The following SLC4A4 variants were observed in gnomAD, a reference collection of about 807,000 sequenced individuals.
The protein encoded by SLC4A4 is solute carrier family 4 member 4.
A neutral mutation model predicts 111.5 loss-of-function variants in SLC4A4; 27 were observed. That is an observed-to-expected ratio of 0.24 (90% confidence interval 0.18 to 0.33). The LOEUF (loss-of-function observed/expected upper bound fraction) is 0.33. SLC4A4 is among the 10% of genes least tolerant of loss of function. The pLI, the probability that SLC4A4 is intolerant of heterozygous loss-of-function variation, is 1.00. For missense variants in SLC4A4, 909 were observed against 1,315.5 expected (o/e 0.69, Z 4.78); for synonymous variants, 443 against 463.4 (o/e 0.96, Z 0.57).
intron 17 of SLC4A4, among the ~76,000 whole-genome samples, chr4:71,532,510 A>AT (rs1489228026): frequency 6.6e-6 from 1 of 151,816 alleles, no homozygotes; most frequent in Non-Finnish European, 1.5e-5. Flanking sequence ...CATCCTCCTG[A>AT]TTTTTTCTTT....
chr4:71,260,820 G>A (rs781107695), intron 3 of SLC4A4, among the ~76,000 whole-genome samples: 17 of 152,144 alleles, frequency 1.1e-4, no homozygotes, highest in Non-Finnish European at 1.3e-4. Flanking sequence ...GTAAAAAGGG[G>A]ATGATCGATT....
intron 20 of SLC4A4, among the ~76,000 whole-genome samples, chr4:71,552,159 C>T (rs1488007863): frequency 6.6e-6 from 1 of 151,810 alleles, no homozygotes; most frequent in South Asian, 2.1e-4. Context: ...CAGAATGAGG[C>T]CCTGGACTAG....
At chr4:71,074,225 C>T (rs1741749079) in intron 1 of SLC4A4, among the ~76,000 whole-genome samples, 1 of 152,036 alleles carries the variant, frequency 6.6e-6, no homozygotes, top group African/African-American at 2.4e-5. Context: ...TCTTCAAATC[C>T]CAGTGAGTCT....
At chr4:71,297,774 G>T (rs1724923777) in intron 3 of SLC4A4, among the ~76,000 whole-genome samples, 1 of 151,864 alleles carries the variant, frequency 6.6e-6, no homozygotes, top group Admixed American at 6.6e-5. Context: ...TTTTAGTAGA[G>T]ACAGGGTTTC....
chr4:71,296,985 T>A (rs1468523896), intron 3 of SLC4A4, among the ~76,000 whole-genome samples: 1 of 152,230 alleles, frequency 6.6e-6, no homozygotes, highest in African/African-American at 2.4e-5. Flanking sequence ...GTTCTTACAA[T>A]GTATAGGTTG....
At chr4:71,255,082 AT>A (rs2149060806) in intron 2 of SLC4A4, 137 bp from the exon 3 acceptor site, 1 of 880,172 alleles carries the variant, frequency 1.1e-6, no homozygotes, top group South Asian at 1.4e-5. Flanking sequence ...AGGAAATTTT[AT>A]TTTTCTAGAG....
At chr4:71,478,800 A>C (rs1427816977) in intron 14 of SLC4A4, among the ~76,000 whole-genome samples, 1 of 151,844 alleles carries the variant, frequency 6.6e-6, no homozygotes, top group African/African-American at 2.4e-5. Context: ...ATACACACAT[A>C]TACAAACACA....
chr4:71,422,636 A>T (rs549780425), intron 7 of SLC4A4, among the ~76,000 whole-genome samples: 243 of 152,082 alleles, frequency 1.6e-3, no homozygotes, highest in African/African-American at 5.7e-3. Flanking sequence ...AAGCTTATCC[A>T]CCGTGATCAA....
intron 1 of SLC4A4, among the ~76,000 whole-genome samples, chr4:71,194,463 A>G (rs2148997248): frequency 6.6e-6 from 1 of 152,274 alleles, no homozygotes. Flanking sequence ...GCTGTGCTTT[A>G]TATATTTTTT....
intron 2 of SLC4A4, among the ~76,000 whole-genome samples, chr4:71,102,001 G>A (rs1449082005): frequency 6.6e-6 from 1 of 150,802 alleles, no homozygotes; most frequent in Non-Finnish European, 1.5e-5. Context: ...CAAACCAAAG[G>A]CAAAGAAGTT....
chr4:71,149,899 T>C (rs541643234), intron 2 of SLC4A4, among the ~76,000 whole-genome samples: 1 of 152,346 alleles, frequency 6.6e-6, no homozygotes, highest in South Asian at 2.1e-4. Context: ...ATTAGCCATC[T>C]GGCTTAACTT....
At chr4:71,447,784 C>A in intron 9 of SLC4A4, 51 bp downstream of exon 9, 1 of 1,170,380 alleles carries the variant, frequency 8.5e-7, no homozygotes, top group Non-Finnish European at 1.3e-6. Context: ...TGTTTGTTGT[C>A]ATACTGTGAA....
chr4:71,326,215 C>G (rs1273843286), intron 3 of SLC4A4, among the ~76,000 whole-genome samples: 3 of 151,770 alleles, frequency 2.0e-5, no homozygotes, highest in Non-Finnish European at 4.4e-5. Context: ...TGATATCTAT[C>G]AGACTTACTT....
chr4:71,513,154 T>C (rs1732078521), intron 16 of SLC4A4, among the ~76,000 whole-genome samples: 1 of 151,000 alleles, frequency 6.6e-6, no homozygotes, highest in African/African-American at 2.4e-5. Context: ...TTAAATAGGA[T>C]TTTTTTTTCT....
At chr4:71,539,051 T>C (rs1435832688) in intron 18 of SLC4A4, among the ~76,000 whole-genome samples, 1 of 152,134 alleles carries the variant, frequency 6.6e-6, no homozygotes, top group Admixed American at 6.6e-5. Context: ...GAAATAGATA[T>C]GAGGTGGTTG....
At chr4:71,263,720 C>T (rs1401780754) in intron 3 of SLC4A4, among the ~76,000 whole-genome samples, 1 of 152,034 alleles carries the variant, frequency 6.6e-6, no homozygotes, top group African/African-American at 2.4e-5. Context: ...TGTAGTTCTA[C>T]AATTTGCAAT....
intron 4 of SLC4A4, among the ~76,000 whole-genome samples, chr4:71,342,239 T>A (rs1034216297): frequency 4.6e-5 from 7 of 152,184 alleles, no homozygotes; most frequent in African/African-American, 1.4e-4. Flanking sequence ...TAGAAAAAAA[T>A]CCTCTGTAAA....
At chr4:71,512,938 C>T (rs553231615) in intron 16 of SLC4A4, among the ~76,000 whole-genome samples, 1 of 152,142 alleles carries the variant, frequency 6.6e-6, no homozygotes, top group Non-Finnish European at 1.5e-5. Flanking sequence ...GATCAGTTAG[C>T]TGTAAGTGTA....
intron 2 of SLC4A4, among the ~76,000 whole-genome samples, chr4:71,157,949 A>C (rs1744520477): frequency 6.6e-6 from 1 of 152,184 alleles, no homozygotes; most frequent in Non-Finnish European, 1.5e-5. Flanking sequence ...TAAAATTTCC[A>C]GACTATCAAA....
Sources: gnomAD v4.1 joint callset for allele counts (sites outside exome capture counted in the v4.1 genomes callset) on GRCh38, gnomAD v4.1.1 for gene constraint, MANE v1.5 for transcripts, NCBI Gene and HGNC (gene_info 2026-07-23, HGNC 2026-07-21) for gene names.